DIAPH3: variants seen among roughly 807,000 people sequenced by gnomAD.
DIAPH3 encodes the protein diaphanous related formin 3, also known as protein diaphanous homolog 3.
Under a neutral mutation model 144.3 loss-of-function variants are expected in DIAPH3, and 117 were observed. The observed-to-expected ratio is 0.81, with a 90% CI of 0.70 to 0.95. The LOEUF is 0.95. Ranked by LOEUF, DIAPH3 falls within the 40% of genes least tolerant of loss-of-function variation. The pLI, the probability that DIAPH3 is intolerant of heterozygous loss-of-function variation, is 0.00. For missense variants in DIAPH3, 1,421 were observed against 1,412.7 expected, an observed-to-expected ratio of 1.01 and a Z score of -0.09; for synonymous variants, 519 against 488.9, an observed-to-expected ratio of 1.06 and a Z score of -0.81.
chr13:59,928,721 G>A (rs1037192726), intron 17 of DIAPH3, among the ~76,000 whole-genome samples: 1 of 152,154 alleles, frequency 6.6e-6, no homozygotes, highest in Non-Finnish European at 1.5e-5. Flanking sequence ...CTTTCATAGT[G>A]ATGAAGATGA....
At chr13:59,836,829 G>A (rs1031708810) in intron 23 of DIAPH3, among the ~76,000 whole-genome samples, 1 of 151,842 alleles carries the variant, frequency 6.6e-6, no homozygotes, top group African/African-American at 2.4e-5. Context: ...TGAAAAACAT[G>A]AACAAAGTTT....
At chr13:59,807,095 C>A (rs2040236446) in intron 25 of DIAPH3, among the ~76,000 whole-genome samples, 2 of 151,508 alleles carry the variant, frequency 1.3e-5, no homozygotes, top group African/African-American at 4.8e-5. Flanking sequence ...AATAAATAAG[C>A]ATGTAGTAAT....
chr13:60,114,493 C>T (rs2058651846), intron 2 of DIAPH3, among the ~76,000 whole-genome samples: 1 of 152,016 alleles, frequency 6.6e-6, no homozygotes, highest in Non-Finnish European at 1.5e-5. Context: ...ACAAGTGTAA[C>T]TGGGGTCCAG....
In DIAPH3 at chr13:59,782,719, G is replaced by A. The variant is rs7996441; in HGVS notation, c.3164-7896C>T. Among the ~76,000 whole-genome samples the A allele has an allele frequency of 9.2e-3, 1,401 of 152,276 alleles. 24 individuals are homozygous for A. The highest frequency in any genetic ancestry group is 0.01 in the Non-Finnish European group (681 of 68,026). On this transcript the variant is annotated intron_variant, in intron 25 of 27. Coordinates refer to ENST00000400324, the MANE Select transcript of DIAPH3 (RefSeq NM_001042517.2). ...ATATTATGACAGAGATATTCAGAATGTGGTACAGGGTGGTGGGCATGTAGT... is the reference window on the plus strand; with the variant it reads ...ATATTATGACAGAGATATTCAGAATATGGTACAGGGTGGTGGGCATGTAGT...
chr13:60,030,616 C>T (rs902011965), intron 5 of DIAPH3, among the ~76,000 whole-genome samples: 7 of 152,132 alleles, frequency 4.6e-5, no homozygotes, highest in Middle Eastern at 3.2e-3. Flanking sequence ...TGATACAATA[C>T]CGGGTCCCCT....
chr13:59,691,644 T>A (rs1198174971), intron 27 of DIAPH3, among the ~76,000 whole-genome samples: 2 of 152,124 alleles, frequency 1.3e-5, no homozygotes, highest in Non-Finnish European at 2.9e-5. Flanking sequence ...TCAATTTTAG[T>A]TAAAGCATGT....
At chr13:59,751,189 G>A (rs2036990274) in intron 27 of DIAPH3, among the ~76,000 whole-genome samples, 3 of 152,230 alleles carry the variant, frequency 2.0e-5, no homozygotes, top group African/African-American at 2.4e-5. Context: ...CTATGGCAAC[G>A]GGAGTTGCCC....
At chr13:60,065,501 G>A (rs2056924464) in intron 4 of DIAPH3, among the ~76,000 whole-genome samples, 1 of 152,102 alleles carries the variant, frequency 6.6e-6, no homozygotes, top group Admixed American at 6.5e-5. Flanking sequence ...CTACTGCCTA[G>A]TAACAGTGCC....
At chr13:59,755,825 T>C in intron 27 of DIAPH3, among the ~76,000 whole-genome samples, 1 of 152,056 alleles carries the variant, frequency 6.6e-6, no homozygotes, top group Non-Finnish European at 1.5e-5. Context: ...TCAGAATACA[T>C]ATGAATATAG....
rs151099483 is a variant in DIAPH3 at position 59,921,059 on chromosome 13, A to C, written c.2170+3716T>G. On this transcript the variant is annotated intron_variant, in intron 18 of 27. Transcript: ENST00000400324. Reference sequence around the variant, plus strand: ...TATTTAGAAAATTGAAAAGGGAAACACAACATACCAAAATATATGGGATAT... The same window carrying C: ...TATTTAGAAAATTGAAAAGGGAAACCCAACATACCAAAATATATGGGATAT... 3.0e-3 allele frequency among the ~76,000 whole-genome samples: 457 copies of C among 151,880 alleles called. 1 individual carries two copies. Among genetic ancestry groups the C allele is most frequent in the Middle Eastern group, 0.02 (6 of 294 alleles).
At chr13:59,983,205 T>A (rs1383098739) in intron 13 of DIAPH3, among the ~76,000 whole-genome samples, 12 of 125,084 alleles carry the variant, frequency 9.6e-5, no homozygotes, top group African/African-American at 3.6e-4. Flanking sequence ...ATTCCAAGTT[T>A]AAAAAAAAAA....
chr13:59,979,534 C>T (rs1467518527), intron 14 of DIAPH3, among the ~76,000 whole-genome samples: 2 of 151,642 alleles, frequency 1.3e-5, no homozygotes, highest in Non-Finnish European at 3.0e-5. Context: ...ATATTCACAA[C>T]TGTAATCCTA....
chr13:60,149,241 T>C (rs1233650675), intron 1 of DIAPH3, among the ~76,000 whole-genome samples: 1 of 152,134 alleles, frequency 6.6e-6, no homozygotes, highest in Non-Finnish European at 1.5e-5. Context: ...AATAGGAAAA[T>C]ATATTCCTTG....
intron 27 of DIAPH3, among the ~76,000 whole-genome samples, chr13:59,742,372 G>A (rs949715477): frequency 3.3e-5 from 5 of 152,208 alleles, no homozygotes; most frequent in Non-Finnish European, 5.9e-5. Flanking sequence ...ATGAAAAGTG[G>A]ATAGTCAAGC....
chr13:60,085,246 T>C (rs2057707411), intron 4 of DIAPH3, among the ~76,000 whole-genome samples: 1 of 152,144 alleles, frequency 6.6e-6, no homozygotes, highest in African/African-American at 2.4e-5. Flanking sequence ...TAGCAGCTAC[T>C]AGTATGTATG....
intron 21 of DIAPH3, among the ~76,000 whole-genome samples, chr13:59,877,126 G>T (rs1024479405): frequency 2.0e-5 from 3 of 151,988 alleles, no homozygotes; most frequent in Non-Finnish European, 2.9e-5. Flanking sequence ...AATTGAATAA[G>T]GTAGCTTCAA....
At chr13:60,091,330 G>T (rs940031751) in intron 4 of DIAPH3, among the ~76,000 whole-genome samples, 2 of 152,074 alleles carry the variant, frequency 1.3e-5, no homozygotes, top group East Asian at 3.9e-4. Context: ...CATCTCTAGT[G>T]CCTAAAATGC....
intron 5 of DIAPH3, among the ~76,000 whole-genome samples, chr13:60,022,774 T>C (rs957202720): frequency 2.0e-5 from 3 of 152,222 alleles, no homozygotes; most frequent in Non-Finnish European, 2.9e-5. Flanking sequence ...AGAATGTAAA[T>C]ACATCTTTCT....
rs760456037 is a variant in DIAPH3 at position 59,997,851 on chromosome 13, C to T, written c.1015-5268G>A. 2.7e-4 allele frequency among the ~76,000 whole-genome samples: 41 copies of T among 152,124 alleles called. No individual in the cohort carries two copies. In the Middle Eastern group the frequency reaches 0.01, roughly 38 times the overall value. ...ATGTTTTTACAATTAAATCGTGGCTCTACAATGCAACAACATATCAGCTTC... is the reference window on the plus strand; with the variant it reads ...ATGTTTTTACAATTAAATCGTGGCTTTACAATGCAACAACATATCAGCTTC... On this transcript the variant is annotated intron_variant, in intron 9 of 27. Coordinates refer to ENST00000400324, the MANE Select transcript of DIAPH3 (RefSeq NM_001042517.2).
Sources: allele counts gnomAD v4.1 joint callset (sites outside exome capture counted in the v4.1 genomes callset), GRCh38; gene constraint gnomAD v4.1.1; transcripts MANE v1.5; gene names NCBI Gene and HGNC (gene_info 2026-07-23, HGNC 2026-07-21).